MACF1: variants seen among roughly 807,000 people sequenced by gnomAD.
MACF1 encodes the protein microtubule actin crosslinking factor 1, also known as microtubule-actin cross-linking factor 1.
MACF1 carries 193 observed loss-of-function variants against 854.8 expected under a neutral mutation model. The ratio of observed to expected loss-of-function variants is 0.23; its 90% CI spans 0.20 to 0.25. The LOEUF is 0.25. Among genes scored for constraint, MACF1 ranks in the 10% least tolerant of loss-of-function variants. The pLI, the probability that MACF1 is intolerant of heterozygous loss-of-function variation, is 1.00. For synonymous variants in MACF1, 3,185 were observed against 3,226.7 expected (o/e 0.99, Z 0.44); for missense variants, 7,722 against 8,929.1 (o/e 0.86, Z 5.45).
chr1:39,410,209 G>A, intron 58 of MACF1: 1 of 1,313,394 alleles, frequency 7.6e-7, no homozygotes, highest in Non-Finnish European at 1.1e-6. Context: ...ATGCATTTGG[G>A]GGGAACCTGT....
chr1:39,194,669 T>TTCCTC (rs1644298686), intron 2 of MACF1, among the ~76,000 whole-genome samples: 2 of 150,322 alleles, frequency 1.3e-5, no homozygotes, highest in African/African-American at 4.9e-5. Context: ...TCTCCCTGCC[T>TTCCTC]TCCTCTCCCC....
chr1:39,273,127 AC>A (rs986321736), intron 6 of MACF1, among the ~76,000 whole-genome samples: 7 of 140,622 alleles, frequency 5.0e-5, no homozygotes, highest in Non-Finnish European at 7.6e-5. Context: ...TTACCTCTAT[AC>A]CAATTTTTTT....
chr1:39,309,419 A>C lies in MACF1; in HGVS notation c.2790-151A>C, dbSNP rs188067907. On this transcript the variant is annotated intron_variant, in intron 23 of 100. Transcript: ENST00000564288. Reference sequence around the variant, plus strand: ...AGCCTCAATTAATTTAGTTCTAAAAATTCCTGAGATGCTAGTATTTGACTT... The same window carrying C: ...AGCCTCAATTAATTTAGTTCTAAAACTTCCTGAGATGCTAGTATTTGACTT... 1,137 of 871,848 alleles carry C rather than the reference A, an allele frequency of 1.3e-3. 4 individuals carry two copies. Among genetic ancestry groups the C allele is most frequent in the Admixed American group, 2.0e-3 (74 of 36,630 alleles). 54.0% of individuals were successfully genotyped at this position (871,848 alleles called of 1,614,324 possible). A position where few individuals can be genotyped will look rare whatever the true frequency, so the allele number is the denominator to read the frequency against.
intron 2 of MACF1, among the ~76,000 whole-genome samples, chr1:39,188,927 G>A (rs1015004031): frequency 7.2e-5 from 11 of 152,000 alleles, no homozygotes; most frequent in Admixed American, 3.3e-4. Context: ...TAGTAGAGGC[G>A]GGGTTTCACC....
At chr1:39,289,408 C>T (rs1645720884) in intron 15 of MACF1, among the ~76,000 whole-genome samples, 1 of 152,124 alleles carries the variant, frequency 6.6e-6, no homozygotes, top group South Asian at 2.1e-4. Context: ...TTGTATATTG[C>T]CTGTCTTTTG....
chr1:39,423,946 G>C, intron 60 of MACF1, 82 bp from the exon 61 acceptor site: 1 of 1,288,132 alleles, frequency 7.8e-7, no homozygotes. Context: ...TGGCGGGTTG[G>C]TTTCTTTTGT....
chr1:39,225,145 C>G (rs1644699502), intron 1 of MACF1, among the ~76,000 whole-genome samples: 1 of 151,964 alleles, frequency 6.6e-6, no homozygotes, highest in African/African-American at 2.4e-5. Flanking sequence ...GATCATGCTG[C>G]TGCATTCCAG....
upstream of MACF1, among the ~76,000 whole-genome samples, chr1:39,202,057 C>T (rs1348160237): frequency 1.4e-5 from 2 of 147,524 alleles, no homozygotes; most frequent in Non-Finnish European, 3.0e-5. Context: ...AGCTCTGCCT[C>T]CCGGGTTCAA....
chr1:39,259,538 A>C (rs1645134695), intron 6 of MACF1, among the ~76,000 whole-genome samples: 1 of 152,322 alleles, frequency 6.6e-6, no homozygotes, highest in Non-Finnish European at 1.5e-5. Context: ...TTGGGATTAC[A>C]GGCGTGAGCC....
chr1:39,130,163 C>G (rs908458994), intron 2 of MACF1, among the ~76,000 whole-genome samples: 2 of 152,212 alleles, frequency 1.3e-5, no homozygotes, highest in East Asian at 3.8e-4. Context: ...TTTTCCCCCC[C>G]ATTCATGGGG....
intron 2 of MACF1, among the ~76,000 whole-genome samples, chr1:39,192,192 A>G (rs141508101): frequency 6.6e-6 from 1 of 152,122 alleles, no homozygotes; most frequent in Non-Finnish European, 1.5e-5. Context: ...GGTTACCCAG[A>G]TTTCCTTTTA....
intron 97 of MACF1, among the ~76,000 whole-genome samples, chr1:39,477,082 T>TACACACAC (rs1557675061): frequency 2.4e-4 from 3 of 12,612 alleles, no homozygotes; most frequent in African/African-American, 6.0e-4. Flanking sequence ...TATATATATA[T>TACACACAC]ATATATATAC....
intron 23 of MACF1, among the ~76,000 whole-genome samples, chr1:39,305,277 AG>A: frequency 6.7e-6 from 1 of 149,462 alleles, no homozygotes; most frequent in East Asian, 2.0e-4. Flanking sequence ...AAAAAAAAAA[AG>A]TGTGTGTGTG....
intron 43 of MACF1, among the ~76,000 whole-genome samples, chr1:39,351,802 G>C (rs1020780328): frequency 2.6e-5 from 4 of 151,946 alleles, no homozygotes; most frequent in African/African-American, 9.7e-5. Flanking sequence ...GGACCCAGCT[G>C]TTCTCAAACT....
Position 39,318,470 on chromosome 1 carries a change from G to A in MACF1, c.3800G>A (p.Ser1267Asn). Residue 1267 changes from serine to asparagine, a missense_variant, in exon 30 of 101, where the codon AGT becomes AAT. Coordinates refer to ENST00000564288, the MANE Select transcript of MACF1 (RefSeq NM_001394062.1). ...TCTTCTAGCCAATCTGAGCTAGAAA[G>A]TATCCAGGAAGTTCTGGGAGATTAC... The part of the protein sequence containing the change: ...QLEIRQSELE[S>N]IQEVLGDYRA... 1 of 1,613,918 alleles carries A rather than the reference G, an allele frequency of 6.2e-7. No individual in the cohort carries two copies. The highest frequency in any genetic ancestry group is 1.1e-5 in the South Asian group (1 of 91,068).
chr1:39,241,707 C>CT (rs1445020709), intron 2 of MACF1, among the ~76,000 whole-genome samples: 11 of 146,352 alleles, frequency 7.5e-5, no homozygotes, highest in Non-Finnish European at 1.7e-4. Flanking sequence ...AATCCTTGCT[C>CT]TTTTTTGTGT....
chr1:39,123,718 T>A lies in MACF1; in HGVS notation c.220+39280T>A, dbSNP rs867779042. Among the ~76,000 whole-genome samples the A allele has an allele frequency of 2.0e-3, 28 of 14,252 alleles. 1 individual carries two copies. Among genetic ancestry groups the A allele is most frequent in the Non-Finnish European group, 3.5e-3 (18 of 5,164 alleles). 9.3% of individuals were successfully genotyped at this position (14,252 alleles called of 152,430 possible). ...CCATGCCCGGCTAATTCTTGTTTTG[T>A]TTTTTTTTTTTTTTTTTTTGTCCGA... On this transcript the variant is annotated intron_variant, in intron 2 of 93. Transcript: ENST00000361689.
chr1:39,174,302 T>C (rs1481215774), intron 2 of MACF1, among the ~76,000 whole-genome samples: 3 of 152,214 alleles, frequency 2.0e-5, no homozygotes, highest in Non-Finnish European at 2.9e-5. Context: ...ACCATTTTCA[T>C]AGGGTTATAA....
chr1:39,335,479 A>G lies in MACF1; in HGVS notation c.8891A>G (p.Gln2964Arg). The change falls in exon 37 of 101, where the codon CAG becomes CGG. Residue 2964 changes from glutamine (Q) to arginine (R), a missense_variant. This residue lies in a region of MACF1 where 854 missense variants were observed against 852.6 expected (regional missense o/e 1.00). Transcript: ENST00000564288. Reference sequence around the variant, plus strand: ...AAATTGCCGAGTGAGCAGGTTTTGCAGCAACCAATGAATGCTCGGGTGAAA... The same window carrying G: ...AAATTGCCGAGTGAGCAGGTTTTGCGGCAACCAATGAATGCTCGGGTGAAA... Reference protein sequence around the residue: ...SGKLPSEQVLQQPMNARVKSK... With the variant: ...SGKLPSEQVLRQPMNARVKSK... The G allele has an allele frequency of 6.2e-7, 1 of 1,614,228 alleles. No homozygotes were observed. Among genetic ancestry groups the G allele is most frequent in the South Asian group, 1.1e-5 (1 of 91,082 alleles).
Sources: allele counts gnomAD v4.1 joint callset (sites outside exome capture counted in the v4.1 genomes callset), GRCh38; gene constraint gnomAD v4.1.1; regional missense constraint gnomAD v4.1.1; transcripts MANE v1.5; gene names NCBI Gene and HGNC (gene_info 2026-07-23, HGNC 2026-07-21).